The following INPP4B variants were observed in gnomAD, a reference collection of about 807,000 sequenced individuals.
The protein encoded by INPP4B is inositol polyphosphate-4-phosphatase type II B, also known as inositol polyphosphate 4-phosphatase type II.
A neutral mutation model predicts 122.5 loss-of-function variants in INPP4B; 55 were observed. That is an observed-to-expected ratio of 0.45 (90% confidence interval 0.36 to 0.56). The LOEUF (loss-of-function observed/expected upper bound fraction) is 0.56, where lower values mean the gene tolerates loss of function less well. Ranked by LOEUF, INPP4B falls within the 20% of genes least tolerant of loss-of-function variation. INPP4B has a pLI of 0.00. For missense variants in INPP4B, 1,000 were observed against 1,097.7 expected (o/e 0.91, Z 1.26); for synonymous variants, 403 against 388.7 (o/e 1.04, Z -0.43).
intron 16 of INPP4B, among the ~76,000 whole-genome samples, chr4:142,164,178 C>T (rs1232988697): frequency 6.6e-6 from 1 of 151,814 alleles, no homozygotes. Context: ...CTAAAAATTA[C>T]TTCTCCTGGG....
chr4:142,784,892 C>A (rs1775512259), intron 1 of INPP4B, among the ~76,000 whole-genome samples: 1 of 151,968 alleles, frequency 6.6e-6, no homozygotes, highest in Admixed American at 6.6e-5. Flanking sequence ...TTTAGGCTTC[C>A]TGTCTCACTT....
chr4:142,312,096 G>A (rs1461923726), intron 8 of INPP4B, among the ~76,000 whole-genome samples: 1 of 152,178 alleles, frequency 6.6e-6, no homozygotes, highest in African/African-American at 2.4e-5. Flanking sequence ...TACCAATTGA[G>A]ATTTCTCTTT....
In INPP4B at chr4:142,428,644, T is replaced by A. The variant is rs74325778; in HGVS notation, c.136+529A>T. ...TTGGACAAAGTTACAAATTTTTACA[T>A]GTGACAGATATTTAGAGTTGCTTAA... On this transcript the variant is annotated intron_variant, in intron 5 of 25. Coordinates refer to ENST00000262992, the MANE Select transcript of INPP4B (RefSeq NM_001101669.3). Among the ~76,000 whole-genome samples, 818 of 152,168 alleles carry A rather than the reference T, an allele frequency of 5.4e-3. 2 individuals are homozygous for A. Among genetic ancestry groups the A allele is most frequent in the African/African-American group, 0.019 (789 of 41,562 alleles).
intron 12 of INPP4B, among the ~76,000 whole-genome samples, chr4:142,213,729 C>T (rs773291782): frequency 6.6e-6 from 1 of 152,192 alleles, no homozygotes; most frequent in Non-Finnish European, 1.5e-5. Flanking sequence ...TACATATGCA[C>T]CTCAGGTTAC....
At chr4:142,302,634 T>TAATATAATTATATTA (rs1761914589) in intron 9 of INPP4B, among the ~76,000 whole-genome samples, 1 of 152,282 alleles carries the variant, frequency 6.6e-6, no homozygotes, top group East Asian at 1.9e-4. Flanking sequence ...ACAAAGCACA[T>TAATATAATTATATTA]GGTTGGTTAT....
At chr4:142,762,437 C>T (rs377444268) in intron 1 of INPP4B, among the ~76,000 whole-genome samples, 16 of 152,186 alleles carry the variant, frequency 1.1e-4, no homozygotes, top group African/African-American at 3.6e-4. Context: ...CACCATAATC[C>T]TGTGAGGTGA....
chr4:142,537,429 T>TATATATATAGAG (rs1200701380), intron 2 of INPP4B, among the ~76,000 whole-genome samples: 55 of 25,478 alleles, frequency 2.2e-3, no homozygotes, highest in Non-Finnish European at 2.7e-3. Context: ...TATATATATA[T>TATATATATAGAG]AGAGAGAGAG....
At chr4:142,268,322 CAAAA>C (rs56908599) in intron 10 of INPP4B, among the ~76,000 whole-genome samples, 313 of 6,888 alleles carry the variant, frequency 0.045, 9 homozygotes, top group South Asian at 0.086. Flanking sequence ...GACTCCGTCT[CAAAA>C]AAAAAAAAAA....
intron 11 of INPP4B, among the ~76,000 whole-genome samples, chr4:142,248,644 G>GTGTGTA (rs1346205912): frequency 6.7e-6 from 1 of 149,994 alleles, no homozygotes; most frequent in Non-Finnish European, 1.5e-5. Context: ...GTGTGTGTGT[G>GTGTGTA]TGTGTGTATG....
intron 25 of INPP4B, among the ~76,000 whole-genome samples, chr4:142,058,349 T>A (rs1173089893): frequency 6.6e-6 from 1 of 152,156 alleles, no homozygotes; most frequent in Admixed American, 6.6e-5. Context: ...TGTCTTGGAC[T>A]CACTCAAATA....
intron 2 of INPP4B, among the ~76,000 whole-genome samples, chr4:142,628,353 C>T (rs374629660): frequency 4.3e-5 from 6 of 139,390 alleles, no homozygotes; most frequent in South Asian, 2.4e-4. Context: ...TAGGTGGGAA[C>T]TGAACAATGA....
chr4:142,133,952 C>A (rs1802637071), intron 18 of INPP4B, among the ~76,000 whole-genome samples: 1 of 152,170 alleles, frequency 6.6e-6, no homozygotes, highest in African/African-American at 2.4e-5. Context: ...TTTTACGTTG[C>A]TCTATATTTT....
At chr4:142,199,046 A>ATC in intron 14 of INPP4B, among the ~76,000 whole-genome samples, 1 of 152,136 alleles carries the variant, frequency 6.6e-6, no homozygotes, top group South Asian at 2.1e-4. Flanking sequence ...TATCTTTATC[A>ATC]GAGTATTAGT....
At chr4:142,446,940 T>C (rs1163853199) in intron 3 of INPP4B, among the ~76,000 whole-genome samples, 1 of 152,176 alleles carries the variant, frequency 6.6e-6, no homozygotes, top group Admixed American at 6.5e-5. Flanking sequence ...GCATGATAAA[T>C]GTGATCAGGG....
chr4:142,363,422 C>A (rs916011225), intron 7 of INPP4B, among the ~76,000 whole-genome samples: 1 of 151,638 alleles, frequency 6.6e-6, no homozygotes, highest in Non-Finnish European at 1.5e-5. Context: ...ATTATTGTTA[C>A]ATGTGTATAT....
intron 1 of INPP4B, among the ~76,000 whole-genome samples, chr4:142,790,434 T>C (rs1185930668): frequency 2.6e-5 from 4 of 151,910 alleles, no homozygotes; most frequent in Non-Finnish European, 5.9e-5. Flanking sequence ...CAAAAGAAGA[T>C]ATACAAATGG....
chr4:142,624,511 C>T (rs1269442256), intron 2 of INPP4B, among the ~76,000 whole-genome samples: 2 of 151,914 alleles, frequency 1.3e-5, no homozygotes, highest in Non-Finnish European at 2.9e-5. Context: ...TCTCAAGAGT[C>T]CAGGACCAGA....
chr4:142,369,591 T>TAAAA (rs1335021415), intron 7 of INPP4B, among the ~76,000 whole-genome samples: 14 of 136,420 alleles, frequency 1.0e-4, no homozygotes, highest in Admixed American at 7.3e-4. Context: ...ATTAAAAAAA[T>TAAAA]AAATAAATAA....
intron 2 of INPP4B, among the ~76,000 whole-genome samples, chr4:142,529,849 G>A (rs762317954): frequency 6.6e-6 from 1 of 151,990 alleles, no homozygotes; most frequent in African/African-American, 2.4e-5. Flanking sequence ...TAGGAAGCCA[G>A]AATCATGGAG....
Sources: gnomAD v4.1 joint callset for allele counts (sites outside exome capture counted in the v4.1 genomes callset) on GRCh38, gnomAD v4.1.1 for gene constraint, MANE v1.5 for transcripts, NCBI Gene and HGNC (gene_info 2026-07-23, HGNC 2026-07-21) for gene names.